KCNK9: variants seen among roughly 807,000 people sequenced by gnomAD.
The protein encoded by KCNK9 is potassium two pore domain channel subfamily K member 9.
KCNK9 carries 1 observed loss-of-function variant against 10.8 expected under a neutral mutation model. The observed-to-expected ratio is 0.09, with a 90% confidence interval of 0.03 to 0.44. KCNK9 has a LOEUF of 0.44. Ranked by LOEUF, KCNK9 falls within the 20% of genes least tolerant of loss-of-function variation. KCNK9 has a pLI of 0.97. For synonymous variants in KCNK9, 231 were observed against 222.7 expected (o/e 1.04, Z -0.33); for missense variants, 303 against 515.0 (o/e 0.59, Z 3.98).
chr8:139,698,191 G>A (rs1438255720), intron 1 of KCNK9, among the ~76,000 whole-genome samples: 1 of 152,212 alleles, frequency 6.6e-6, no homozygotes, highest in African/African-American at 2.4e-5. Context: ...GGTGTGTGTG[G>A]CCTTATCTGC....
At position 139,680,943 on chromosome 8, in the gene KCNK9, C is replaced by T. The variant is rs550176023; in HGVS notation, c.283+21767G>A. 2.0e-5 allele frequency among the ~76,000 whole-genome samples: 3 copies of T among 152,304 alleles called. No homozygotes were observed. The East Asian group carries it at 5.8e-4, about 29-fold the overall frequency. Reference sequence around the variant, plus strand: ...AGCCTCACCCCAGCCTCCTATCAGCCCCTCTCCTCCCACAACTTAGAGCTC... The same window carrying T: ...AGCCTCACCCCAGCCTCCTATCAGCTCCTCTCCTCCCACAACTTAGAGCTC... On this transcript the variant is annotated intron_variant, in intron 1 of 1. Transcript: ENST00000520439.
chr8:139,659,600 C>T (rs2129699540), intron 1 of KCNK9, among the ~76,000 whole-genome samples: 1 of 152,292 alleles, frequency 6.6e-6, no homozygotes, highest in East Asian at 1.9e-4. Context: ...CAAGCTCCAC[C>T]CCCCAGGTTC....
At chr8:139,660,161 T>C (rs1169522960) in intron 1 of KCNK9, among the ~76,000 whole-genome samples, 3 of 152,186 alleles carry the variant, frequency 2.0e-5, no homozygotes, top group Non-Finnish European at 4.4e-5. Flanking sequence ...AAGGTACACG[T>C]TGAGCCTCAA....
intron 2 of KCNK9, among the ~76,000 whole-genome samples, chr8:139,602,618 TTAA>T (rs1439269547): frequency 1.3e-5 from 2 of 152,190 alleles, no homozygotes; most frequent in Admixed American, 6.5e-5. Flanking sequence ...TATGTCTTAT[TTAA>T]TAATGTCTAC....
intron 1 of KCNK9, among the ~76,000 whole-genome samples, chr8:139,649,155 A>G (rs1815779049): frequency 6.6e-6 from 1 of 152,180 alleles, no homozygotes; most frequent in African/African-American, 2.4e-5. Flanking sequence ...CAGACGGGCC[A>G]GAATTGCTCA....
chr8:139,699,809 A>G (rs999984997), intron 1 of KCNK9, among the ~76,000 whole-genome samples: 2 of 152,214 alleles, frequency 1.3e-5, no homozygotes, highest in African/African-American at 4.8e-5. Flanking sequence ...AATCCATTTC[A>G]CAGGGCAAGC....
chr8:139,699,148 TG>T lies in KCNK9; in HGVS notation c.283+3561del, dbSNP rs565912025. ...ATGAGATCTGATTTCTAAGATCTGA[TG>T]GTTTCTTCTTTTTTAATGATCCTGA... On this transcript the variant is annotated intron_variant, in intron 1 of 1. Transcript: ENST00000520439. 1.4e-4 allele frequency among the ~76,000 whole-genome samples: 22 copies of T among 152,300 alleles called. No homozygotes were observed. The East Asian group carries it at 3.5e-3, about 24-fold the overall frequency.
chr8:139,628,591 C>A (rs1457665396), intron 1 of KCNK9, among the ~76,000 whole-genome samples: 3 of 152,178 alleles, frequency 2.0e-5, no homozygotes, highest in Non-Finnish European at 2.9e-5. Context: ...AGAGCCCTGG[C>A]AACTGGCTTA....
At position 139,680,256 on chromosome 8, in the gene KCNK9, G is replaced by T. The variant is rs191457294; in HGVS notation, c.283+22454C>A. On this transcript the variant is annotated intron_variant, in intron 1 of 1. Coordinates refer to ENST00000520439, the MANE Select transcript of KCNK9 (RefSeq NM_001282534.2). ...GTTCCCGTGTCTGGGTCTTCTGGGG[G>T]TGGCAGAGGGGGCAGGCGGGGCCCA... Among the ~76,000 whole-genome samples, 15 of 152,356 alleles carry T rather than the reference G, an allele frequency of 9.8e-5. No individual in the cohort carries two copies. In the East Asian group the frequency reaches 2.3e-3, roughly 24 times the overall value.
At chr8:139,662,092 G>A (rs1816166863) in intron 1 of KCNK9, among the ~76,000 whole-genome samples, 1 of 152,214 alleles carries the variant, frequency 6.6e-6, no homozygotes, top group African/African-American at 2.4e-5. Context: ...TGCCTAGCCT[G>A]ACTGTGGTCA....
intron 2 of KCNK9, among the ~76,000 whole-genome samples, chr8:139,603,071 TA>T (rs1443933208): frequency 1.2e-4 from 18 of 152,260 alleles, no homozygotes; most frequent in African/African-American, 4.3e-4. Context: ...ATCCCAAATG[TA>T]AACTGCACAG....
intron 1 of KCNK9, among the ~76,000 whole-genome samples, chr8:139,642,371 A>G (rs1815529284): frequency 6.6e-6 from 1 of 152,252 alleles, no homozygotes; most frequent in South Asian, 2.1e-4. Context: ...GCACCAAAGC[A>G]ATAAAATTAA....
intron 1 of KCNK9, among the ~76,000 whole-genome samples, chr8:139,665,608 C>T (rs1013485235): frequency 2.0e-5 from 3 of 152,188 alleles, no homozygotes; most frequent in South Asian, 2.1e-4. Context: ...GGCTCTGTGC[C>T]CACCTGCCGG....
chr8:139,623,639 C>T (rs551698624), intron 1 of KCNK9, among the ~76,000 whole-genome samples: 8 of 152,230 alleles, frequency 5.3e-5, no homozygotes, highest in African/African-American at 1.9e-4. Flanking sequence ...CAGGCTCCTA[C>T]AATACCCTAC....
intron 1 of KCNK9, among the ~76,000 whole-genome samples, chr8:139,670,937 C>A (rs1362728767): frequency 6.6e-6 from 1 of 152,156 alleles, no homozygotes; most frequent in Non-Finnish European, 1.5e-5. Flanking sequence ...GGGACAGGGC[C>A]CCAAGCTGGC....
In KCNK9 at chr8:139,618,612, A is replaced by G. The variant is rs1200267962; in HGVS notation, c.771T>C (p.Asp257=). The stretch of plus-strand genomic sequence containing the variant: ...CGGCGAGGGATGCCCTCTCTTCAGC[A>G]TCCCGCCGCTCATCCTCACTGTTCA... ...LTMNSEDERR[D]AEERASLAGN... is the part of the protein sequence containing the mutation. The change falls in exon 2 of 2, where the codon GAT becomes GAC. Residue 257 remains aspartate, a synonymous_variant. Coordinates refer to ENST00000520439, the MANE Select transcript of KCNK9 (RefSeq NM_001282534.2). This position sits in a 1 kb window ranked among gnomAD's most constrained non-coding sequence, Gnocchi z 7.9. The G allele has an allele frequency of 6.2e-7, 1 of 1,614,154 alleles. No individual in the cohort carries two copies. The highest frequency in any genetic ancestry group is 2.2e-5 in the East Asian group (1 of 44,876).
intron 1 of KCNK9, among the ~76,000 whole-genome samples, chr8:139,692,087 T>C (rs1816945493): frequency 6.6e-6 from 1 of 152,116 alleles, no homozygotes; most frequent in African/African-American, 2.4e-5. Flanking sequence ...CATGGAACCA[T>C]GAGACACCAG....
chr8:139,692,580 T>G (rs1816955291), intron 1 of KCNK9, among the ~76,000 whole-genome samples: 1 of 152,190 alleles, frequency 6.6e-6, no homozygotes, highest in African/African-American at 2.4e-5. Flanking sequence ...TTTCCCCAAC[T>G]GCCAGAGCTC....
downstream of KCNK9, among the ~76,000 whole-genome samples, chr8:139,614,342 A>G (rs1168008451): frequency 6.6e-6 from 1 of 152,164 alleles, no homozygotes; most frequent in Non-Finnish European, 1.5e-5. Flanking sequence ...CCTCCCAAGG[A>G]GGCTTTTGTG....
Sources: allele counts gnomAD v4.1 joint callset (sites outside exome capture counted in the v4.1 genomes callset), GRCh38; gene constraint gnomAD v4.1.1; non-coding constraint Gnocchi (gnomAD v3.1); transcripts MANE v1.5; gene names NCBI Gene and HGNC (gene_info 2026-07-23, HGNC 2026-07-21).